The following LARP4B variants were observed in gnomAD, a reference collection of about 807,000 sequenced individuals.
The protein encoded by LARP4B is La ribonucleoprotein 4B, also known as la-related protein 4B.
In LARP4B, 12 loss-of-function variants were observed where a neutral mutation model predicts 89.8. The observed-to-expected ratio is 0.13, with a 90% confidence interval of 0.09 to 0.22. The LOEUF (loss-of-function observed/expected upper bound fraction) is 0.22, where lower values mean the gene tolerates loss of function less well. Ranked by LOEUF, LARP4B falls within the 10% of genes least tolerant of loss-of-function variation. The pLI is 1.00. For missense variants in LARP4B, 757 were observed against 947.7 expected (o/e 0.80, Z 2.64); for synonymous variants, 367 against 363.3 (o/e 1.01, Z -0.12).
chr10:972,707 G>A, the LARP4B span: 1 of 457,020 alleles, frequency 2.2e-6, no homozygotes, highest in Non-Finnish European at 4.4e-6. Context: ...AGAATATCAG[G>A]CATTCTACAT....
intron 15 of LARP4B, 158 bp from the exon 16 acceptor site, chr10:815,228 C>T: frequency 1.4e-6 from 1 of 705,920 alleles, no homozygotes; most frequent in Non-Finnish European, 2.1e-6. Flanking sequence ...GAGCCCAGGA[C>T]TATCCTCTGC....
chr10:861,660 G>A (rs1051911359), intron 5 of LARP4B, among the ~76,000 whole-genome samples: 4 of 151,924 alleles, frequency 2.6e-5, no homozygotes, highest in African/African-American at 4.8e-5. Context: ...TTTTGGTAAC[G>A]TTATCTATCT....
intron 13 of LARP4B, among the ~76,000 whole-genome samples, chr10:824,671 G>A (rs1186249590): frequency 1.3e-5 from 2 of 152,236 alleles, no homozygotes; most frequent in Non-Finnish European, 2.9e-5. Flanking sequence ...CCCGCTCCAG[G>A]CTCCACCTGC....
chr10:891,006 G>T (rs796678506), intron 1 of LARP4B, among the ~76,000 whole-genome samples: 6 of 152,218 alleles, frequency 3.9e-5, no homozygotes, highest in African/African-American at 1.4e-4. Context: ...AGATTTTTAA[G>T]ATTCTTATGA....
chr10:847,960 C>T (rs1833856665), intron 5 of LARP4B, among the ~76,000 whole-genome samples: 1 of 152,168 alleles, frequency 6.6e-6, no homozygotes, highest in African/African-American at 2.4e-5. Flanking sequence ...AAAGAGAATG[C>T]AGGAGATAGG....
intron 1 of LARP4B, among the ~76,000 whole-genome samples, chr10:899,432 T>C (rs1045945945): frequency 9.2e-5 from 14 of 152,220 alleles, no homozygotes; most frequent in Admixed American, 5.2e-4. Flanking sequence ...GCACATTCTA[T>C]TGCCTTTTCC....
intron 1 of LARP4B, among the ~76,000 whole-genome samples, chr10:920,391 A>C (rs1836946493): frequency 6.6e-6 from 1 of 152,268 alleles, no homozygotes; most frequent in South Asian, 2.1e-4. Context: ...TCAGTTGACA[A>C]AATAACGTAG....
chr10:833,279 A>T (rs11812859), intron 8 of LARP4B, among the ~76,000 whole-genome samples: 1 of 139,484 alleles, frequency 7.2e-6, no homozygotes, highest in Non-Finnish European at 1.6e-5. Flanking sequence ...AAAAAAAAAA[A>T]AAAAACCTCA....
chr10:825,464 T>C (rs1030432527), intron 12 of LARP4B, 148 bp from the exon 13 acceptor site: 1 of 791,206 alleles, frequency 1.3e-6, no homozygotes, highest in African/African-American at 1.7e-5. Context: ...ACTCCTAACA[T>C]ATAGGATAAT....
chr10:856,776 G>GA (rs1456668257), intron 5 of LARP4B, among the ~76,000 whole-genome samples: 1 of 152,158 alleles, frequency 6.6e-6, no homozygotes, highest in African/African-American at 2.4e-5. Context: ...TAACCGTTTT[G>GA]AAAAATACCA....
intron 5 of LARP4B, among the ~76,000 whole-genome samples, chr10:845,894 T>C (rs1833755609): frequency 6.6e-6 from 1 of 152,194 alleles, no homozygotes; most frequent in African/African-American, 2.4e-5. Context: ...CACTTGTATC[T>C]TAAAAGTCAA....
At chr10:848,091 C>A (rs1050563034) in intron 5 of LARP4B, among the ~76,000 whole-genome samples, 1 of 152,172 alleles carries the variant, frequency 6.6e-6, no homozygotes, top group Non-Finnish European at 1.5e-5. Context: ...ACCCAAGGCT[C>A]GTGGAAGAAC....
chr10:973,033 A>C, the LARP4B span: 10 of 377,006 alleles, frequency 2.7e-5, no homozygotes, highest in South Asian at 2.0e-4. Flanking sequence ...TAATGGGAGA[A>C]GTCGAGGGGC....
intron 1 of LARP4B, among the ~76,000 whole-genome samples, chr10:893,730 A>G (rs1836107044): frequency 6.6e-6 from 1 of 152,212 alleles, no homozygotes; most frequent in South Asian, 2.1e-4. Flanking sequence ...AGCCATGAAG[A>G]CAACTGGTCC....
chr10:967,155 A>C, the LARP4B span, among the ~76,000 whole-genome samples: 1 of 152,222 alleles, frequency 6.6e-6, no homozygotes, highest in Admixed American at 6.5e-5. Flanking sequence ...GGACAGCCCC[A>C]AATCTTCAGA....
At chr10:924,285 A>G (rs1489975046) in intron 1 of LARP4B, 1 of 152,218 alleles carries the variant, frequency 6.6e-6, no homozygotes, top group African/African-American at 2.4e-5. Flanking sequence ...AATACAAATT[A>G]AAGGGATTTT....
chr10:939,744 G>A, the LARP4B span, among the ~76,000 whole-genome samples: 3 of 152,254 alleles, frequency 2.0e-5, no homozygotes, highest in Non-Finnish European at 2.9e-5. Context: ...GTTGAGGATT[G>A]GATGTTTCAG....
At chr10:830,724 T>G in intron 9 of LARP4B, 143 bp downstream of exon 9, 1 of 525,026 alleles carries the variant, frequency 1.9e-6, no homozygotes, top group Non-Finnish European at 3.4e-6. Flanking sequence ...ATATTTAAGT[T>G]TCTACAACTT....
the LARP4B span, among the ~76,000 whole-genome samples, chr10:967,548 C>T: frequency 3.4e-4 from 52 of 152,274 alleles, no homozygotes; most frequent in African/African-American, 1.2e-3. Flanking sequence ...AAACGAGTTC[C>T]AGCCTAAGCA....
Sources: allele counts gnomAD v4.1 joint callset (sites outside exome capture counted in the v4.1 genomes callset), GRCh38; gene constraint gnomAD v4.1.1; transcripts MANE v1.5; gene names NCBI Gene and HGNC (gene_info 2026-07-23, HGNC 2026-07-21).